The following BMP1 variants were observed in gnomAD, a reference collection of about 807,000 sequenced individuals.
BMP1 encodes the protein mammalian tolloid protein.
BMP1 carries 63 observed loss-of-function variants against 116.8 expected under a neutral mutation model. The ratio of observed to expected loss-of-function variants is 0.54; its 90% CI spans 0.44 to 0.67. The LOEUF (loss-of-function observed/expected upper bound fraction) is 0.67. BMP1 is among the 30% of genes least tolerant of loss of function. The pLI is 0.00. For missense variants in BMP1, 1,183 were observed against 1,358.9 expected (o/e 0.87, Z 2.04); for synonymous variants, 536 against 533.4 (o/e 1.00, Z -0.07).
chr8:22,176,119 AG>A (rs762941401), intron 2 of BMP1, 23 bp from the exon 3 acceptor site: 2 of 1,611,896 alleles, frequency 1.2e-6, no homozygotes. Flanking sequence ...TCCACTCACT[AG>A]TCACCATGAC....
chr8:22,165,882 C>CGTGCGTGTGTGTGTGTGTGTGT (rs1016666673), intron 1 of BMP1, among the ~76,000 whole-genome samples: 4 of 131,314 alleles, frequency 3.0e-5, no homozygotes, highest in East Asian at 2.6e-4. Flanking sequence ...CCTGTGCGTG[C>CGTGCGTGTGTGTGTGTGTGTGT]GTGTGTGTGT....
In BMP1 at chr8:22,211,991, T is replaced by C; in HGVS notation, c.*263T>C. The C allele has an allele frequency of 1.9e-6, 1 of 523,086 alleles. No individual in the cohort carries two copies. Among genetic ancestry groups the C allele is most frequent in the Non-Finnish European group, 3.4e-6 (1 of 291,586 alleles). The allele number at this position is 523,086 out of a possible 1,614,324, so 32.4% of individuals were successfully genotyped here. On this transcript the variant is annotated 3_prime_UTR_variant, in exon 20 of 20. Transcript: ENST00000306385. ...ACATTTCGAAGTCATCATTCCTCTC[T>C]TAGGGGGCCCTGCCTGGTGGCAAGA... is the stretch of plus-strand genomic sequence containing the variant.
Position 22,194,902 on chromosome 8 carries a change from C to A in BMP1, c.1622C>A (p.Ala541Asp). The part of the protein sequence containing the change: ...SDGSINKAGF[A>D]VNFFKEVDEC... The stretch of plus-strand genomic sequence containing the variant: ...GGGTCCATTAACAAAGCGGGCTTTG[C>A]CGTCAACTTTTTCAAAGGTGCCTCC... Residue 541 changes from alanine to aspartate, a missense_variant, in exon 12 of 20, where the codon GCC (alanine) becomes GAC (aspartate). Physicochemically the swap from Ala to Asp is moderately radical, Grantham distance 126 (BLOSUM62 -2). Around this residue, in one of 4 missense-constraint regions of BMP1, gnomAD observed 956 missense variants for 1,135.2 expected, o/e 0.84. Coordinates refer to ENST00000306385, the MANE Select transcript of BMP1 (RefSeq NM_006129.5). This position sits in a 1 kb window ranked among gnomAD's most constrained non-coding sequence, Gnocchi z 4.5. 6.2e-7 allele frequency: 1 copy of A among 1,608,842 alleles called. No homozygotes were observed.
chr8:22,191,333 C>T (rs909790222), intron 8 of BMP1, among the ~76,000 whole-genome samples: 30 of 152,202 alleles, frequency 2.0e-4, no homozygotes, highest in Non-Finnish European at 3.7e-4. Context: ...CTTTCTCACG[C>T]GTATGTCTCA....
intron 8 of BMP1, among the ~76,000 whole-genome samples, chr8:22,186,024 C>A (rs1470887971): frequency 6.6e-6 from 1 of 152,032 alleles, no homozygotes; most frequent in African/African-American, 2.4e-5. Flanking sequence ...TTAGTAGAGA[C>A]AGGGTGTCAC....
rs1829262591 is a variant in BMP1 at position 22,201,495 on chromosome 8, A to G, written c.2108-308A>G. 2.1e-6 allele frequency: 3 copies of G among 1,397,542 alleles called. 1 individual carries two copies. The highest frequency in any genetic ancestry group is 5.3e-4 in the Middle Eastern group (2 of 3,744). 86.6% of individuals were successfully genotyped at this position (1,397,542 alleles called of 1,614,324 possible). ...CCTTTCTCTTGCAGTCTGCTTGTCC[A>G]TGTGTCTATTTTTCCACTTGTCCAT... On this transcript the variant is annotated intron_variant, in intron 15 of 19. Transcript: ENST00000306385.
chr8:22,207,806 C>T (rs1586475228), intron 18 of BMP1, among the ~76,000 whole-genome samples: 1 of 152,208 alleles, frequency 6.6e-6, no homozygotes, highest in African/African-American at 2.4e-5. Context: ...CGCGGGCCAC[C>T]GCAGCAGCCC....
At chr8:22,202,708 A>G (rs1301933231) in intron 16 of BMP1, among the ~76,000 whole-genome samples, 1 of 152,210 alleles carries the variant, frequency 6.6e-6, no homozygotes, top group Non-Finnish European at 1.5e-5. Context: ...AGGTTTTTAA[A>G]CTAGAAATAA....
At chr8:22,185,167 A>G (rs940146612) in intron 8 of BMP1, among the ~76,000 whole-genome samples, 1 of 152,122 alleles carries the variant, frequency 6.6e-6, no homozygotes, top group East Asian at 1.9e-4. Flanking sequence ...TAAGAAGGGA[A>G]TCAGCCGGGT....
At chr8:22,165,660 T>G in intron 1 of BMP1, 107 bp downstream of exon 1, 1 of 1,209,460 alleles carries the variant, frequency 8.3e-7, no homozygotes, top group South Asian at 2.1e-5. Flanking sequence ...GGGAGCTGCC[T>G]GGTTGGCAAT....
chr8:22,180,706 A>T (rs1828595593), intron 8 of BMP1, among the ~76,000 whole-genome samples: 1 of 152,236 alleles, frequency 6.6e-6, no homozygotes, highest in African/African-American at 2.4e-5. Context: ...GTTAATTTGC[A>T]CATAGCACTT....
chr8:22,166,704 C>T (rs1432279974), intron 1 of BMP1, among the ~76,000 whole-genome samples: 1 of 152,194 alleles, frequency 6.6e-6, no homozygotes, highest in Non-Finnish European at 1.5e-5. Context: ...TGTTCAGGGA[C>T]TCTCCTGGGA....
At position 22,177,237 on chromosome 8, in the gene BMP1, C is replaced by CGTCA. The variant is rs902310011; in HGVS notation, c.730+99_730+102dup. 4.1e-5 allele frequency: 53 copies of CGTCA among 1,301,372 alleles called. No individual in the cohort carries two copies. In the African/African-American group the frequency reaches 7.3e-4, roughly 18 times the overall value. 80.6% of individuals were successfully genotyped at this position (1,301,372 alleles called of 1,614,324 possible). On this transcript the variant is annotated intron_variant, in intron 5 of 19. Transcript: ENST00000306385. ...GGCAGTGGCAGCCGCTCCAGCCAGCCGTCATCGCCTGGGCCCGCAGCGCTG... is the reference window on the plus strand; with the variant it reads ...GGCAGTGGCAGCCGCTCCAGCCAGCCGTCAGTCATCGCCTGGGCCCGCAGCGCTG...
chr8:22,179,562 G>T lies in BMP1; in HGVS notation c.837-143G>T. On this transcript the variant is annotated intron_variant, in intron 6 of 19. Coordinates refer to ENST00000306385, the MANE Select transcript of BMP1 (RefSeq NM_006129.5). This position sits in a 1 kb window ranked among gnomAD's most constrained non-coding sequence, Gnocchi z 4.6. Reference sequence around the variant, plus strand: ...AGTGGGTAGCATAATGACAGGGTGAGACGACTCCACCCGGCCCTGACCCTG... The same window carrying T: ...AGTGGGTAGCATAATGACAGGGTGATACGACTCCACCCGGCCCTGACCCTG... 7.1e-7 allele frequency: 1 copy of T among 1,415,236 alleles called. No individual in the cohort carries two copies. Among genetic ancestry groups the T allele is most frequent in the East Asian group, 2.6e-5 (1 of 38,822 alleles). 87.7% of individuals were successfully genotyped at this position (1,415,236 alleles called of 1,614,324 possible).
intron 6 of BMP1, among the ~76,000 whole-genome samples, chr8:22,178,232 G>A (rs1371927000): frequency 2.0e-5 from 3 of 152,242 alleles, no homozygotes; most frequent in Admixed American, 1.3e-4. Context: ...CAGCAGTGTG[G>A]GGTAGCCCCA....
chr8:22,185,223 G>T (rs191287130), intron 8 of BMP1, among the ~76,000 whole-genome samples: 1 of 152,074 alleles, frequency 6.6e-6, no homozygotes, highest in Non-Finnish European at 1.5e-5. Context: ...AGGTCGAGGC[G>T]GGTGGATCAC....
intron 8 of BMP1, among the ~76,000 whole-genome samples, chr8:22,190,464 A>G (rs572886038): frequency 6.6e-6 from 1 of 152,194 alleles, no homozygotes; most frequent in South Asian, 2.1e-4. Context: ...ACTGACGGAA[A>G]GGCTGGAAAC....
chr8:22,194,024 G>T lies in BMP1; in HGVS notation c.1181-34G>T, dbSNP rs745680562. 1 of 1,582,046 alleles carries T rather than the reference G, an allele frequency of 6.3e-7. No individual in the cohort carries two copies. The highest frequency in any genetic ancestry group is 8.7e-7 in the Non-Finnish European group (1 of 1,151,074). ...GGCCTCTATAGGGGGTGTCCTCAGG[G>T]TTCACCACTCTTCCATCCACACTGT... On this transcript the variant is annotated intron_variant, in intron 9 of 19. Coordinates refer to ENST00000306385, the MANE Select transcript of BMP1 (RefSeq NM_006129.5). The surrounding 1 kb of genome is among the most constrained non-coding windows in gnomAD (Gnocchi z 4.5).
Position 22,180,400 on chromosome 8 carries a change from A to G in BMP1, c.994A>G (p.Asn332Asp). 6.2e-7 allele frequency: 1 copy of G among 1,613,998 alleles called. No individual in the cohort carries two copies. The change falls in exon 8 of 20, where the codon AAC becomes GAC. Residue 332 changes from asparagine to aspartate, a missense_variant. Around this residue, in one of 4 missense-constraint regions of BMP1, gnomAD observed 956 missense variants for 1,135.2 expected, o/e 0.84. Transcript: ENST00000306385. ...AGAGACCCTGCAAGACAGCACAGGC[A>G]ACTTCTCCTCCCCTGAATACCCCAA... ...CGETLQDSTG[N>D]FSSPEYPNGY...
Sources: allele counts gnomAD v4.1 joint callset (sites outside exome capture counted in the v4.1 genomes callset), GRCh38; gene constraint gnomAD v4.1.1; regional missense constraint gnomAD v4.1.1; non-coding constraint Gnocchi (gnomAD v3.1); transcripts MANE v1.5; gene names NCBI Gene and HGNC (gene_info 2026-07-23, HGNC 2026-07-21).